ADAMTS6: variants seen among roughly 807,000 people sequenced by gnomAD.
ADAMTS6 encodes A disintegrin and metalloproteinase with thrombospondin motifs 6.
In ADAMTS6, 23 loss-of-function variants were observed where a neutral mutation model predicts 144.3. The ratio of observed to expected loss-of-function variants is 0.16; its 90% CI spans 0.11 to 0.23. The LOEUF is 0.23. ADAMTS6 is among the 10% of genes least tolerant of loss of function. The pLI is 1.00. For synonymous variants in ADAMTS6, 444 were observed against 457.5 expected (o/e 0.97, Z 0.38); for missense variants, 999 against 1,379.6 (o/e 0.72, Z 4.37).
intron 9 of ADAMTS6, among the ~76,000 whole-genome samples, chr5:65,310,139 G>A (rs1029010806): frequency 2.0e-5 from 3 of 151,378 alleles, no homozygotes; most frequent in East Asian, 1.9e-4. Context: ...TCCTGCTCCC[G>A]CCATGCGAGA....
chr5:65,450,053 T>C (rs2150246808), intron 7 of ADAMTS6, among the ~76,000 whole-genome samples: 1 of 152,314 alleles, frequency 6.6e-6, no homozygotes, highest in South Asian at 2.1e-4. Flanking sequence ...TCTAGTAATT[T>C]CATTGACACT....
rs183748862 is a variant in ADAMTS6 at position 65,275,484 on chromosome 5, G to A, written c.1513-2037C>T. On this transcript the variant is annotated intron_variant, in intron 11 of 24. Transcript: ENST00000381055. ...AAAGAAAGAGAAAGAAAGGGATCAT[G>A]TACTGTGGATCATAACATAAACATA... is the stretch of plus-strand genomic sequence containing the variant. Among the ~76,000 whole-genome samples, 157 of 151,660 alleles carry A rather than the reference G, an allele frequency of 1.0e-3. 2 individuals are homozygous for A. The highest frequency in any genetic ancestry group is 3.8e-3 in the African/African-American group (156 of 41,460).
chr5:65,413,210 G>A (rs1755209606), intron 7 of ADAMTS6, among the ~76,000 whole-genome samples: 1 of 152,080 alleles, frequency 6.6e-6, no homozygotes, highest in Non-Finnish European at 1.5e-5. Context: ...CATGAAAATA[G>A]TTTCTGTAAA....
intron 24 of ADAMTS6, among the ~76,000 whole-genome samples, chr5:65,157,009 G>GAGACTTC (rs1752462355): frequency 6.6e-6 from 1 of 152,232 alleles, no homozygotes. Flanking sequence ...GAGACTTCTG[G>GAGACTTC]TGGGAATGAC....
chr5:65,398,896 C>A (rs1364655403), intron 7 of ADAMTS6, among the ~76,000 whole-genome samples: 3 of 152,038 alleles, frequency 2.0e-5, no homozygotes, highest in Non-Finnish European at 4.4e-5. Context: ...CAAGCTAATT[C>A]TGCTTTGTTT....
rs757324053 is a variant in ADAMTS6 at position 65,215,440 on chromosome 5, T to C, written c.2320A>G (p.Ile774Val). 8.1e-6 allele frequency: 13 copies of C among 1,613,962 alleles called. No individual in the cohort carries two copies. Among genetic ancestry groups the C allele is most frequent in the South Asian group, 4.4e-5 (4 of 91,084 alleles). ...ACATCAAATTTCCTAGGCCAGTCAA[T>C]AGTCCAGGCACCATTAATATAGTAA... ...DDYYINGAWT[I>V]DWPRKFDVAG... The change falls in exon 19 of 25, where the codon ATT becomes GTT. Residue 774 changes from isoleucine to valine, a missense_variant. By Grantham distance (29) the Ile-to-Val change is conservative. This residue lies in a region of ADAMTS6 where 619 missense variants were observed against 837.0 expected (regional missense o/e 0.74). Coordinates refer to ENST00000381055, the MANE Select transcript of ADAMTS6 (RefSeq NM_197941.4).
chr5:65,300,153 A>G (rs1184497391), intron 9 of ADAMTS6, 22 bp from the exon 10 acceptor site: 1 of 1,599,432 alleles, frequency 6.3e-7, no homozygotes, highest in Non-Finnish European at 8.5e-7. Context: ...AGGAAGAAAC[A>G]TAGAATAAAT....
rs754759664 is a variant in ADAMTS6, at chr5:65,451,618, T to C, written c.930A>G (p.Pro310=). 3.1e-6 allele frequency: 5 copies of C among 1,612,694 alleles called. No homozygotes were observed. The East Asian group carries it at 1.1e-4, about 36-fold the overall frequency. ...CTGCATGGTGGTTTATCTCCAAGTTTGGCTGCAATACAACATGCATACCAG... is the reference window on the plus strand; with the variant it reads ...CTGCATGGTGGTTTATCTCCAAGTTCGGCTGCAATACAACATGCATACCAG... The part of the protein sequence containing the change: ...ARLIVLTEDQ[P]NLEINHHADK... Residue 310 remains proline, a splice_region_variant and synonymous_variant, in exon 7 of 25, where the codon CCA becomes CCG. Transcript: ENST00000381055.
rs529236363 is a variant in ADAMTS6 at position 65,321,708 on chromosome 5, C to CTTTTTTTTTTTTT, written c.1223+7657_1223+7669dup. On this transcript the variant is annotated intron_variant, in intron 9 of 24. Coordinates refer to ENST00000381055, the MANE Select transcript of ADAMTS6 (RefSeq NM_197941.4). ...GTCTTCAATCCATCTTTTTCTTTTC[C>CTTTTTTTTTTTTT]TTTTTTTTTTTTTTTTTTTTTTTTT... Among the ~76,000 whole-genome samples, 32 of 78,888 alleles carry CTTTTTTTTTTTTT rather than the reference C, an allele frequency of 4.1e-4. 1 individual carries two copies. Among genetic ancestry groups the CTTTTTTTTTTTTT allele is most frequent in the Admixed American group, 1.2e-3 (6 of 5,028 alleles). The allele number at this position is 78,888 out of a possible 152,430, so 51.8% of individuals were successfully genotyped here. A position where few individuals can be genotyped will look rare whatever the true frequency, so the allele number is the denominator to read the frequency against.
chr5:65,327,730 A>G (rs1172637822), intron 9 of ADAMTS6, among the ~76,000 whole-genome samples: 3 of 152,220 alleles, frequency 2.0e-5, no homozygotes, highest in African/African-American at 7.2e-5. Flanking sequence ...CAGAATCTTT[A>G]TAAAAGATAC....
chr5:65,389,956 A>G (rs1276588293), intron 7 of ADAMTS6, among the ~76,000 whole-genome samples: 1 of 152,214 alleles, frequency 6.6e-6, no homozygotes, highest in Non-Finnish European at 1.5e-5. Flanking sequence ...AACAGGATGT[A>G]GAGTGTTCAA....
chr5:65,446,349 A>G (rs1366352448), intron 7 of ADAMTS6, among the ~76,000 whole-genome samples: 1 of 152,186 alleles, frequency 6.6e-6, no homozygotes, highest in African/African-American at 2.4e-5. Context: ...TGTATTCCCA[A>G]CTGAAAACAT....
chr5:65,405,188 G>C (rs1754335053), intron 7 of ADAMTS6, among the ~76,000 whole-genome samples: 1 of 152,158 alleles, frequency 6.6e-6, no homozygotes, highest in Non-Finnish European at 1.5e-5. Flanking sequence ...TGTTGCCATT[G>C]CTTTAGGTGT....
intron 8 of ADAMTS6, among the ~76,000 whole-genome samples, chr5:65,331,477 A>T (rs1746709531): frequency 6.6e-6 from 1 of 152,120 alleles, no homozygotes; most frequent in Non-Finnish European, 1.5e-5. Flanking sequence ...ATTCCTACTT[A>T]TTGAAATATA....
chr5:65,160,811 C>T (rs988667124), intron 24 of ADAMTS6, among the ~76,000 whole-genome samples: 3 of 151,900 alleles, frequency 2.0e-5, no homozygotes, highest in Non-Finnish European at 4.4e-5. Context: ...TGCCACCATG[C>T]CCGGATAATT....
Position 65,172,932 on chromosome 5 carries a change from G to A in ADAMTS6, c.2987C>T (p.Pro996Leu). 4 of 1,614,198 alleles carry A rather than the reference G, an allele frequency of 2.5e-6. No individual in the cohort carries two copies. Among genetic ancestry groups the A allele is most frequent in the Non-Finnish European group, 3.4e-6 (4 of 1,180,032 alleles). The change falls in exon 23 of 25, where the codon CCA becomes CTA. Residue 996 changes from proline (P) to leucine (L), a missense_variant. Physicochemically the swap from Pro to Leu is moderately conservative, Grantham distance 98 (BLOSUM62 -3). Around this residue, in one of 3 missense-constraint regions of ADAMTS6, gnomAD observed 619 missense variants for 837.0 expected, o/e 0.74. Transcript: ENST00000381055. ...GCTTTCCTCTGGACATTGTGCAGCT[G>A]GGAATGTCTTAGAAAGGTCACTGCT... ...CKSSDLSKTF[P>L]AAQCPEESKP...
chr5:65,172,857 C>T lies in ADAMTS6; in HGVS notation c.3062G>A (p.Arg1021His), dbSNP rs74464814. 828 of 1,614,056 alleles carry T rather than the reference C, an allele frequency of 5.1e-4. 6 individuals are homozygous for T. The East Asian group carries it at 0.013, about 26-fold the overall frequency. The change falls in exon 23 of 25, where the codon CGC becomes CAC. Residue 1021 changes from arginine to histidine, a missense_variant. Arg to His is a conservative substitution (Grantham distance 29). Transcript: ENST00000381055. Reference sequence around the variant, plus strand: ...CTGGCCCCAGTCTCCTGTGACCCAGCGAGGAGGAGGGCAGCGGCCCAAACT... The same window carrying T: ...CTGGCCCCAGTCTCCTGTGACCCAGTGAGGAGGAGGGCAGCGGCCCAAACT... ...RCSLGRCPPPRWVTGDWGQCS... is the reference protein window; with the variant it reads ...RCSLGRCPPPHWVTGDWGQCS...
At chr5:65,175,105 G>C (rs953319412) in intron 22 of ADAMTS6, among the ~76,000 whole-genome samples, 2 of 152,024 alleles carry the variant, frequency 1.3e-5, no homozygotes, top group Non-Finnish European at 2.9e-5. Context: ...GCTGGTTTTA[G>C]ACCCCACACC....
Position 65,370,396 on chromosome 5 carries a change from G to A in ADAMTS6, c.1074-36311C>T, listed in dbSNP as rs113864982. Among the ~76,000 whole-genome samples, 95 of 152,268 alleles carry A rather than the reference G, an allele frequency of 6.2e-4. 1 individual carries two copies. The South Asian group carries it at 0.011, about 18-fold the overall frequency. On this transcript the variant is annotated intron_variant, in intron 7 of 24. Coordinates refer to ENST00000381055, the MANE Select transcript of ADAMTS6 (RefSeq NM_197941.4). Reference sequence around the variant, plus strand: ...ATCTCACTAGGGAGTGTCAGACAGCGCGCGCAGGTCAGTGGGTGCGCGCAC... The same window carrying A: ...ATCTCACTAGGGAGTGTCAGACAGCACGCGCAGGTCAGTGGGTGCGCGCAC...
Sources: allele counts gnomAD v4.1 joint callset (sites outside exome capture counted in the v4.1 genomes callset), GRCh38; gene constraint gnomAD v4.1.1; regional missense constraint gnomAD v4.1.1; transcripts MANE v1.5; gene names NCBI Gene and HGNC (gene_info 2026-07-23, HGNC 2026-07-21).